The following CFAP299 variants were observed in gnomAD, a reference collection of about 807,000 sequenced individuals.
CFAP299 encodes the protein cilia and flagella associated protein 299, also known as cilia- and flagella-associated protein 299.
A neutral mutation model predicts 27.0 loss-of-function variants in CFAP299; 21 were observed. That is an observed-to-expected ratio of 0.78 (90% CI 0.55 to 1.12). CFAP299 has a LOEUF of 1.12. CFAP299 is among the 50% of genes most tolerant of loss of function. CFAP299 has a pLI of 0.00. For synonymous variants in CFAP299, 104 were observed against 98.1 expected (o/e 1.06, Z -0.36); for missense variants, 310 against 276.6 (o/e 1.12, Z -0.86).
intron 3 of CFAP299, among the ~76,000 whole-genome samples, chr4:80,801,185 GTTT>G (rs549514004): frequency 7.1e-6 from 1 of 140,376 alleles, no homozygotes. Context: ...TCACACTATG[GTTT>G]TTTTTTTTTT....
intron 2 of CFAP299, among the ~76,000 whole-genome samples, chr4:80,550,972 A>T (rs978707659): frequency 1.3e-5 from 2 of 152,166 alleles, no homozygotes; most frequent in East Asian, 1.9e-4. Flanking sequence ...AACTTAAAAA[A>T]ATATATTGTT....
chr4:80,623,948 A>T (rs1024326112), intron 3 of CFAP299, among the ~76,000 whole-genome samples: 2 of 152,132 alleles, frequency 1.3e-5, no homozygotes, highest in African/African-American at 2.4e-5. Context: ...TCAGGCAGCA[A>T]CCCAGTGCCA....
At chr4:80,729,457 G>T (rs1348292181) in intron 3 of CFAP299, among the ~76,000 whole-genome samples, 1 of 152,106 alleles carries the variant, frequency 6.6e-6, no homozygotes, top group Non-Finnish European at 1.5e-5. Flanking sequence ...TCTGGAGATT[G>T]TATTATAAAA....
intron 2 of CFAP299, among the ~76,000 whole-genome samples, chr4:80,367,598 G>C (rs1346759274): frequency 3.3e-5 from 5 of 152,178 alleles, no homozygotes; most frequent in Admixed American, 3.3e-4. Context: ...CAGGGTCGGG[G>C]GGATAGAGTC....
At chr4:80,857,103 T>C (rs1731956585) in intron 3 of CFAP299, among the ~76,000 whole-genome samples, 1 of 152,230 alleles carries the variant, frequency 6.6e-6, no homozygotes, top group South Asian at 2.1e-4. Flanking sequence ...GTAGTTCTTC[T>C]TGAAGATGTC....
At position 80,680,144 on chromosome 4, in the gene CFAP299, T is replaced by G. The variant is rs1719746585; in HGVS notation, c.333+96961T>G. On this transcript the variant is annotated intron_variant, in intron 3 of 5. Coordinates refer to ENST00000358105, the MANE Select transcript of CFAP299 (RefSeq NM_152770.3). ...CTCTGGAACCAGAAGTCAACTCTCA[T>G]TTAAAAAAATTGCCGATCTTCACTG... is the stretch of plus-strand genomic sequence containing the variant. 2.0e-5 allele frequency among the ~76,000 whole-genome samples: 3 copies of G among 152,220 alleles called. No individual in the cohort carries two copies. In the East Asian group the frequency reaches 5.8e-4, roughly 29 times the overall value.
At chr4:80,708,575 T>C (rs1721954984) in intron 3 of CFAP299, among the ~76,000 whole-genome samples, 1 of 152,124 alleles carries the variant, frequency 6.6e-6, no homozygotes, top group Non-Finnish European at 1.5e-5. Context: ...TTTAAGCTAG[T>C]GTTAAAATAT....
At chr4:80,395,158 A>G (rs753427633) in intron 2 of CFAP299, among the ~76,000 whole-genome samples, 5 of 151,832 alleles carry the variant, frequency 3.3e-5, no homozygotes, top group Non-Finnish European at 5.9e-5. Context: ...ATTTCTATGT[A>G]TTTTATTTTC....
chr4:80,767,100 C>T (rs374921853), intron 3 of CFAP299, among the ~76,000 whole-genome samples: 12 of 151,954 alleles, frequency 7.9e-5, no homozygotes, highest in East Asian at 5.8e-4. Context: ...TTTTCCTATA[C>T]GTACATATAC....
chr4:80,918,516 A>G (rs971428954), intron 4 of CFAP299, among the ~76,000 whole-genome samples: 1 of 152,102 alleles, frequency 6.6e-6, no homozygotes, highest in Non-Finnish European at 1.5e-5. Context: ...TTATAATACT[A>G]TTATTTCTAC....
In CFAP299 at chr4:80,386,992, C is replaced by T. The variant is rs1220575596; in HGVS notation, c.242+24108C>T. Reference sequence around the variant, plus strand: ...CACACCTGGCCCTTGAACCTGCCCCCACTGCGGTGGGTTGGCAGATGACGC... The same window carrying T: ...CACACCTGGCCCTTGAACCTGCCCCTACTGCGGTGGGTTGGCAGATGACGC... On this transcript the variant is annotated intron_variant, in intron 2 of 5. Coordinates refer to ENST00000358105, the MANE Select transcript of CFAP299 (RefSeq NM_152770.3). 10 of 1,094,180 alleles carry T rather than the reference C, an allele frequency of 9.1e-6. No individual in the cohort carries two copies. In the South Asian group the frequency reaches 1.2e-4, roughly 14 times the overall value. The allele number at this position is 1,094,180 out of a possible 1,614,324, so 67.8% of individuals were successfully genotyped here.
chr4:80,572,507 G>GTTTTTTTTTTT (rs550414533), intron 2 of CFAP299, among the ~76,000 whole-genome samples: 4,822 of 36,390 alleles, frequency 0.13, 1,770 homozygotes, highest in Non-Finnish European at 0.18. Flanking sequence ...CTGGATCCCA[G>GTTTTTTTTTTT]TTTTTTTTTT....
At chr4:80,521,710 T>C (rs1578549355) in intron 2 of CFAP299, among the ~76,000 whole-genome samples, 2 of 152,170 alleles carry the variant, frequency 1.3e-5, no homozygotes, top group South Asian at 4.1e-4. Flanking sequence ...AATCATACAA[T>C]ATTGCCCTTC....
At chr4:80,847,760 G>A (rs1214407734) in intron 3 of CFAP299, among the ~76,000 whole-genome samples, 1 of 152,086 alleles carries the variant, frequency 6.6e-6, no homozygotes, top group African/African-American at 2.4e-5. Flanking sequence ...ATAGCTTTTA[G>A]GGCTACTATT....
chr4:80,530,583 C>T (rs1052697483), intron 2 of CFAP299, among the ~76,000 whole-genome samples: 4 of 152,048 alleles, frequency 2.6e-5, no homozygotes, highest in African/African-American at 9.7e-5. Flanking sequence ...TACCCACTAA[C>T]AAAATAAAGT....
At chr4:80,550,205 A>G (rs183599568) in intron 2 of CFAP299, among the ~76,000 whole-genome samples, 1 of 152,240 alleles carries the variant, frequency 6.6e-6, no homozygotes, top group Non-Finnish European at 1.5e-5. Flanking sequence ...TATCAATTCC[A>G]CAATCATTTA....
intron 3 of CFAP299, among the ~76,000 whole-genome samples, chr4:80,826,523 T>C (rs901497323): frequency 3.9e-5 from 6 of 151,916 alleles, no homozygotes; most frequent in Non-Finnish European, 7.4e-5. Flanking sequence ...ATAATAGTTA[T>C]AAATATTTAC....
At position 80,524,905 on chromosome 4, in the gene CFAP299, C is replaced by T. The variant is rs555684356; in HGVS notation, c.243-58188C>T. On this transcript the variant is annotated intron_variant, in intron 2 of 5. Coordinates refer to ENST00000358105, the MANE Select transcript of CFAP299 (RefSeq NM_152770.3). ...ATTCAGGTGTTGGCAGAGCTGTATT[C>T]TCATCTAAGGGATTGAGTGGGGAAG... is the stretch of plus-strand genomic sequence containing the variant. 7.2e-5 allele frequency among the ~76,000 whole-genome samples: 11 copies of T among 152,216 alleles called. No individual in the cohort carries two copies. The South Asian group carries it at 2.1e-3, about 29-fold the overall frequency.
chr4:80,732,242 A>C (rs1247917834), intron 3 of CFAP299, among the ~76,000 whole-genome samples: 2 of 152,182 alleles, frequency 1.3e-5, no homozygotes, highest in Non-Finnish European at 2.9e-5. Context: ...TATTTGGAGA[A>C]AAGCCATAGA....
Sources: gnomAD v4.1 joint callset for allele counts (sites outside exome capture counted in the v4.1 genomes callset) on GRCh38, gnomAD v4.1.1 for gene constraint, MANE v1.5 for transcripts, NCBI Gene and HGNC (gene_info 2026-07-23, HGNC 2026-07-21) for gene names.